The following ZNF81 variants were observed in gnomAD, a reference collection of about 807,000 sequenced individuals.
ZNF81 encodes the protein zinc finger protein 81 (HFZ20).
ZNF81 carries 5 observed loss-of-function variants against 32.3 expected under a neutral mutation model. The observed-to-expected ratio is 0.15, with a 90% CI of 0.08 to 0.33. ZNF81 has a LOEUF of 0.33. Ranked by LOEUF, ZNF81 falls within the 10% of genes least tolerant of loss-of-function variation. ZNF81 has a pLI of 1.00. For synonymous variants in ZNF81, 163 were observed against 166.8 expected (o/e 0.98, Z 0.17); for missense variants, 379 against 479.8 (o/e 0.79, Z 1.96).
intron 2 of ZNF81, among the ~76,000 whole-genome samples, chrX:47,851,720 G>A (rs2058496346): frequency 8.9e-6 from 1 of 111,735 alleles, no homozygotes; most frequent in African/African-American, 3.3e-5. Context: ...TCCAAGTTTT[G>A]TATCAACTAG....
At chrX:47,851,849 T>G (rs1263332932) in intron 2 of ZNF81, among the ~76,000 whole-genome samples, 1 of 112,763 alleles carries the variant, frequency 8.9e-6, no homozygotes. Context: ...CTAGCTGGAT[T>G]CTTTTTGCTA....
chrX:47,887,770 T>G (rs1170408055), intron 2 of ZNF81, among the ~76,000 whole-genome samples: 1 of 111,663 alleles, frequency 9.0e-6, no homozygotes, highest in African/African-American at 3.3e-5. Context: ...AATTATAATT[T>G]TTAATAAATG....
At chrX:47,902,076 T>C (rs187356289) in intron 4 of ZNF81, among the ~76,000 whole-genome samples, 2 of 112,025 alleles carry the variant, frequency 1.8e-5, no homozygotes, top group East Asian at 5.5e-4. Context: ...TTTTTATTTC[T>C]TCTTGTTTTA....
In ZNF81 at chrX:47,920,082, A is replaced by G. The variant is rs1340972768; in HGVS notation, c.*3450A>G. ...ATAGGCCATTAGCATGGGGAGATTGAATCCATCTAATCAGGAGTTGGGCTG... is the reference window on the plus strand; with the variant it reads ...ATAGGCCATTAGCATGGGGAGATTGGATCCATCTAATCAGGAGTTGGGCTG... On this transcript the variant is annotated 3_prime_UTR_variant, in exon 5 of 5. Transcript: ENST00000338637. 1 of 112,101 alleles carries G rather than the reference A, an allele frequency of 8.9e-6. No homozygotes were observed. Among genetic ancestry groups the G allele is most frequent in the Non-Finnish European group, 1.9e-5 (1 of 53,218 alleles). 9.2% of individuals were successfully genotyped at this position (112,101 alleles called of 1,213,427 possible). A position where few individuals can be genotyped will look rare whatever the true frequency, so the allele number is the denominator to read the frequency against.
rs1556892283 is a variant in ZNF81, at chrX:47,923,424, G to A, written c.*6792G>A. On this transcript the variant is annotated 3_prime_UTR_variant, in exon 5 of 5. Transcript: ENST00000338637. ...TGCCTATAGAAGATAATGAGAAGGA[G>A]CAGCCAGAGAGGTAAAAACATACCA... Among the ~76,000 whole-genome samples, 1 of 111,728 alleles carries A rather than the reference G, an allele frequency of 9.0e-6. No individual in the cohort carries two copies. The highest frequency in any genetic ancestry group is 3.3e-5 in the African/African-American group (1 of 30,681).
intron 3 of ZNF81, among the ~76,000 whole-genome samples, chrX:47,893,025 A>G (rs1299103723): frequency 8.9e-6 from 1 of 112,637 alleles, no homozygotes; most frequent in Non-Finnish European, 1.9e-5. Flanking sequence ...AGGAGACTCA[A>G]GAATTTAAAG....
At position 47,917,460 on chromosome X, in the gene ZNF81, A is replaced by G. The variant is rs1556891224; in HGVS notation, c.*828A>G. The G allele has an allele frequency of 1.1e-5, 3 of 285,559 alleles. No individual in the cohort carries two copies. The highest frequency in any genetic ancestry group is 1.8e-5 in the Non-Finnish European group (3 of 163,509). 23.5% of individuals were successfully genotyped at this position (285,559 alleles called of 1,213,427 possible). On this transcript the variant is annotated 3_prime_UTR_variant, in exon 5 of 5. Transcript: ENST00000338637. ...CACGTGACTTTCTTTGGCCAATGGA[A>G]ATTAGCAAAGAGAATCAATAAGAAG...
At chrX:47,876,408 C>T (rs906340033) in intron 2 of ZNF81, among the ~76,000 whole-genome samples, 34 of 112,282 alleles carry the variant, frequency 3.0e-4, no homozygotes, top group African/African-American at 1.1e-3. Flanking sequence ...TGATGAGTGC[C>T]TGCACATGCA....
At chrX:47,892,282 C>T (rs1408489249) in intron 3 of ZNF81, among the ~76,000 whole-genome samples, 1 of 111,517 alleles carries the variant, frequency 9.0e-6, no homozygotes, top group African/African-American at 3.3e-5. Context: ...GATCCAACTA[C>T]CCCCATTGCA....
chrX:47,919,788 A>G lies in ZNF81; in HGVS notation c.*3156A>G, dbSNP rs1385246441. On this transcript the variant is annotated 3_prime_UTR_variant, in exon 5 of 5. Transcript: ENST00000338637. ...AGGCTCCACCTCCTAATACCATCAC[A>G]TTGAGGATTAGGATTTTAACATATG... 9.0e-6 allele frequency: 1 copy of G among 111,400 alleles called. No homozygotes were observed. Among genetic ancestry groups the G allele is most frequent in the Admixed American group, 9.6e-5 (1 of 10,469 alleles). The allele number at this position is 111,400 out of a possible 1,213,427, so 9.2% of individuals were successfully genotyped here.
At chrX:47,895,160 A>C (rs1050326692) in intron 3 of ZNF81, among the ~76,000 whole-genome samples, 1 of 111,117 alleles carries the variant, frequency 9.0e-6, no homozygotes. Context: ...AACTATGTGG[A>C]AATCCTACCC....
chrX:47,893,973 A>G (rs2058671354), intron 3 of ZNF81, among the ~76,000 whole-genome samples: 1 of 111,425 alleles, frequency 9.0e-6, no homozygotes, highest in African/African-American at 3.3e-5. Context: ...GATCAGTCTG[A>G]TCTTATCCGA....
intron 2 of ZNF81, among the ~76,000 whole-genome samples, chrX:47,852,039 C>G (rs1475418920): frequency 8.9e-6 from 1 of 112,487 alleles, no homozygotes; most frequent in African/African-American, 3.2e-5. Context: ...TGCAATAAAG[C>G]GAGTATCTCA....
rs1212603712 is a variant in ZNF81, at chrX:47,884,790, C to T, written c.55-3209C>T. On this transcript the variant is annotated intron_variant, in intron 2 of 4. Transcript: ENST00000338637. The stretch of plus-strand genomic sequence containing the variant: ...AATGGTGTGAACCCAGTGAGATTCA[C>T]AGAAAATAAAATTTTAGAGCAAACT... 8.1e-5 allele frequency among the ~76,000 whole-genome samples: 9 copies of T among 111,416 alleles called. No individual in the cohort carries two copies. The East Asian group carries it at 8.4e-4, about 10-fold the overall frequency.
At chrX:47,843,882 T>C (rs1198989063) in intron 1 of ZNF81, among the ~76,000 whole-genome samples, 1 of 112,252 alleles carries the variant, frequency 8.9e-6, no homozygotes, top group Non-Finnish European at 1.9e-5. Flanking sequence ...TTTGATTTAG[T>C]TAAGGTTTTA....
At chrX:47,896,632 G>A (rs1287213744) in intron 4 of ZNF81, among the ~76,000 whole-genome samples, 1 of 111,546 alleles carries the variant, frequency 9.0e-6, no homozygotes, top group Non-Finnish European at 1.9e-5. Context: ...ATTTTAAGTG[G>A]ACAGTTTGAT....
intron 2 of ZNF81, chrX:47,861,109 G>C (rs1031487066): frequency 2.7e-5 from 3 of 111,846 alleles, no homozygotes; most frequent in Admixed American, 1.9e-4. Flanking sequence ...GAGTTTGTGG[G>C]AATCCCCAAT....
intron 2 of ZNF81, among the ~76,000 whole-genome samples, chrX:47,884,358 C>T (rs2058633190): frequency 9.2e-6 from 1 of 108,528 alleles, no homozygotes; most frequent in Admixed American, 9.9e-5. Flanking sequence ...GAGCTGCCCT[C>T]ATCTATTACC....
At chrX:47,892,071 T>C (rs939863916) in intron 3 of ZNF81, among the ~76,000 whole-genome samples, 5 of 111,591 alleles carry the variant, frequency 4.5e-5, no homozygotes, top group African/African-American at 1.6e-4. Flanking sequence ...AGAATTCCTC[T>C]ACTTATACAG....
Sources: allele counts gnomAD v4.1 joint callset (sites outside exome capture counted in the v4.1 genomes callset), GRCh38; gene constraint gnomAD v4.1.1; transcripts MANE v1.5; gene names NCBI Gene and HGNC (gene_info 2026-07-23, HGNC 2026-07-21).